The following DSCAM variants were observed in gnomAD, a reference collection of about 807,000 sequenced individuals.
DSCAM encodes DS cell adhesion molecule, also known as cell adhesion molecule DSCAM.
A neutral mutation model predicts 217.7 loss-of-function variants in DSCAM; 47 were observed. The ratio of observed to expected loss-of-function variants is 0.22; its 90% CI spans 0.17 to 0.28. The LOEUF (loss-of-function observed/expected upper bound fraction) is 0.28. Ranked by LOEUF, DSCAM falls within the 10% of genes least tolerant of loss-of-function variation. The probability of loss-of-function intolerance (pLI) is 1.00; values close to 1 mark genes in which losing one functional copy is unlikely to be tolerated. For synonymous variants in DSCAM, 1,056 were observed against 1,015.3 expected (o/e 1.04, Z -0.76); for missense variants, 2,080 against 2,618.3 (o/e 0.79, Z 4.49).
rs576930346 is a variant in DSCAM, at chr21:40,782,674, G to T, written c.43+63945C>A. ...GAGTACAGGAGGTTGAGGTTGCAGG[G>T]AGGCATGATCACACCACTGCACTCC... is the stretch of plus-strand genomic sequence containing the variant. On this transcript the variant is annotated intron_variant, in intron 1 of 32. Transcript: ENST00000400454. 3.3e-5 allele frequency among the ~76,000 whole-genome samples: 5 copies of T among 152,160 alleles called. No individual in the cohort carries two copies. The East Asian group carries it at 9.7e-4, about 29-fold the overall frequency.
At chr21:40,075,774 C>T (rs967104598) in intron 26 of DSCAM, among the ~76,000 whole-genome samples, 2 of 152,160 alleles carry the variant, frequency 1.3e-5, no homozygotes, top group African/African-American at 4.8e-5. Context: ...GAGCTACAGA[C>T]AGCTTTTCAA....
At chr21:40,578,787 A>G (rs1315770795) in intron 3 of DSCAM, among the ~76,000 whole-genome samples, 1 of 152,192 alleles carries the variant, frequency 6.6e-6, no homozygotes, top group Non-Finnish European at 1.5e-5. Context: ...AGCAAGATGT[A>G]TGATGGGGTT....
intron 1 of DSCAM, among the ~76,000 whole-genome samples, chr21:40,788,010 T>A (rs2091608718): frequency 6.6e-6 from 1 of 152,220 alleles, no homozygotes; most frequent in African/African-American, 2.4e-5. Context: ...AGGTTAAGGA[T>A]GTTTCTCTGA....
At chr21:40,838,958 A>G (rs911915899) in intron 1 of DSCAM, among the ~76,000 whole-genome samples, 1 of 152,228 alleles carries the variant, frequency 6.6e-6, no homozygotes, top group Non-Finnish European at 1.5e-5. Context: ...CCAGAATGCT[A>G]TAAGTAACAA....
chr21:40,450,623 G>C (rs1190110750), intron 3 of DSCAM, among the ~76,000 whole-genome samples: 2 of 152,138 alleles, frequency 1.3e-5, no homozygotes, highest in African/African-American at 4.8e-5. Context: ...AATAAAATTT[G>C]CTTGCAAATG....
intron 1 of DSCAM, among the ~76,000 whole-genome samples, chr21:40,732,333 C>T (rs532884481): frequency 1.6e-4 from 25 of 152,340 alleles, no homozygotes; most frequent in African/African-American, 5.5e-4. Flanking sequence ...ACAATTAGAA[C>T]TGCCCAACAT....
At chr21:40,227,427 C>T (rs930421462) in intron 11 of DSCAM, among the ~76,000 whole-genome samples, 2 of 152,168 alleles carry the variant, frequency 1.3e-5, no homozygotes, top group African/African-American at 2.4e-5. Context: ...TGGCCTGTCA[C>T]AAGACTGAGG....
At chr21:40,244,626 T>C (rs140328399) in intron 11 of DSCAM, among the ~76,000 whole-genome samples, 1 of 152,196 alleles carries the variant, frequency 6.6e-6, no homozygotes, top group African/African-American at 2.4e-5. Flanking sequence ...CTGCTGAAGG[T>C]GTTCTGGACC....
chr21:40,790,750 A>T (rs1376941405), intron 1 of DSCAM, among the ~76,000 whole-genome samples: 1 of 152,260 alleles, frequency 6.6e-6, no homozygotes, highest in African/African-American at 2.4e-5. Flanking sequence ...AGCACAAAAA[A>T]TAAATAAGAA....
intron 3 of DSCAM, among the ~76,000 whole-genome samples, chr21:40,616,348 C>G (rs2089393495): frequency 6.6e-6 from 1 of 152,150 alleles, no homozygotes; most frequent in African/African-American, 2.4e-5. Flanking sequence ...CACCCGGGGT[C>G]CTGACACATG....
chr21:40,828,634 A>T (rs1400719388), intron 1 of DSCAM, among the ~76,000 whole-genome samples: 1 of 148,654 alleles, frequency 6.7e-6, no homozygotes, highest in African/African-American at 2.5e-5. Flanking sequence ...ATCCTCCCTC[A>T]GGAACCAGGG....
intron 3 of DSCAM, among the ~76,000 whole-genome samples, chr21:40,648,263 ACACACACACACACACACACT>A (rs1294906452): frequency 6.7e-6 from 1 of 148,888 alleles, no homozygotes; most frequent in African/African-American, 2.6e-5. Flanking sequence ...ACACACACAC[ACACACACACACACACACACT>A]CACACACTGC....
At position 40,350,584 on chromosome 21, in the gene DSCAM, C is replaced by T. The variant is rs569373742; in HGVS notation, c.935-2639G>A. Among the ~76,000 whole-genome samples, 268 of 152,168 alleles carry T rather than the reference C, an allele frequency of 1.8e-3. 2 individuals are homozygous for T. Among genetic ancestry groups the T allele is most frequent in the African/African-American group, 4.9e-3 (205 of 41,508 alleles). The stretch of plus-strand genomic sequence containing the variant: ...TTGATAAGACAAAGGCAATAAATGG[C>T]TGTAATAACCAACCAGAGTGATGGA... On this transcript the variant is annotated intron_variant, in intron 5 of 32. Coordinates refer to ENST00000400454, the MANE Select transcript of DSCAM (RefSeq NM_001389.5).
chr21:40,574,284 T>C (rs1004964724), intron 3 of DSCAM, among the ~76,000 whole-genome samples: 2 of 152,344 alleles, frequency 1.3e-5, no homozygotes, highest in African/African-American at 2.4e-5. Context: ...GTCATGACCA[T>C]GTCAAGTTTA....
chr21:40,207,186 AC>A (rs1461428165), intron 11 of DSCAM, among the ~76,000 whole-genome samples: 2 of 152,258 alleles, frequency 1.3e-5, no homozygotes, highest in Non-Finnish European at 2.9e-5. Flanking sequence ...AATACTAAAA[AC>A]AATCCCAGAA....
At chr21:40,374,689 T>C (rs1159395848) in intron 3 of DSCAM, among the ~76,000 whole-genome samples, 1 of 152,200 alleles carries the variant, frequency 6.6e-6, no homozygotes, top group Admixed American at 6.5e-5. Flanking sequence ...TATGACAGTA[T>C]TTGGAAATAA....
chr21:40,569,366 C>T (rs1483496741), intron 3 of DSCAM, among the ~76,000 whole-genome samples: 1 of 152,130 alleles, frequency 6.6e-6, no homozygotes, highest in African/African-American at 2.4e-5. Context: ...GTGTGGTTAA[C>T]AGCTGTAATC....
rs71186947 is a variant in DSCAM, at chr21:40,598,497, G to GTTTTT, written c.508+94308_508+94312dup. ...TTAGTTTGTAAGAAACTGCCAAACT[G>GTTTTT]TTTTTTTTTTTTTTTTTTTTTTTTT... On this transcript the variant is annotated intron_variant, in intron 3 of 32. Coordinates refer to ENST00000400454, the MANE Select transcript of DSCAM (RefSeq NM_001389.5). 1.9e-3 allele frequency among the ~76,000 whole-genome samples: 129 copies of GTTTTT among 66,800 alleles called. 2 individuals carry two copies. The highest frequency in any genetic ancestry group is 3.7e-3 in the East Asian group (7 of 1,882). The allele number at this position is 66,800 out of a possible 152,430, so 43.8% of individuals were successfully genotyped here.
Position 40,268,206 on chromosome 21 carries a change from G to A in DSCAM, c.2356+7891C>T, listed in dbSNP as rs547146839. ...TGTCTTTCTCAAGGGAATTTGTGCTGCATGACGGTGAACTAATACTTGGTC... is the reference window on the plus strand; with the variant it reads ...TGTCTTTCTCAAGGGAATTTGTGCTACATGACGGTGAACTAATACTTGGTC... On this transcript the variant is annotated intron_variant, in intron 11 of 32. Coordinates refer to ENST00000400454, the MANE Select transcript of DSCAM (RefSeq NM_001389.5). Among the ~76,000 whole-genome samples, 7 of 152,320 alleles carry A rather than the reference G, an allele frequency of 4.6e-5. 1 individual carries two copies. In the East Asian group the frequency reaches 1.2e-3, roughly 25 times the overall value.
Sources: allele counts gnomAD v4.1 joint callset (sites outside exome capture counted in the v4.1 genomes callset), GRCh38; gene constraint gnomAD v4.1.1; transcripts MANE v1.5; gene names NCBI Gene and HGNC (gene_info 2026-07-23, HGNC 2026-07-21).